The following JAK3 variants were observed in gnomAD, a reference collection of about 807,000 sequenced individuals.
JAK3 encodes the protein Janus kinase 3, also known as tyrosine-protein kinase JAK3.
In JAK3, 88 loss-of-function variants were observed where a neutral mutation model predicts 120.8. The observed-to-expected ratio is 0.73, with a 90% CI of 0.61 to 0.87. The LOEUF is 0.87. JAK3 is among the 40% of genes least tolerant of loss of function. The pLI is 0.00. For synonymous variants in JAK3, 592 were observed against 628.6 expected (o/e 0.94, Z 0.87); for missense variants, 1,254 against 1,501.4 (o/e 0.84, Z 2.72).
chr19:17,842,534 T>G lies in JAK3; in HGVS notation c.643A>C (p.Arg215=). The part of the protein sequence containing the change: ...LSFVTRRRIR[R]TVRRALRRVA... ...CGGCGCAGGGCTCTGCGCACCGTCC[T>G]CCGAATACGCCTCCGCGTCACGAAG... The change falls in exon 6 of 24, where the codon AGG becomes CGG. Residue 215 remains arginine, a synonymous_variant. Transcript: ENST00000458235. The surrounding 1 kb of genome is among the most constrained non-coding windows in gnomAD (Gnocchi z 6.4). 3.1e-6 allele frequency: 5 copies of G among 1,590,624 alleles called. No homozygotes were observed. Among genetic ancestry groups the G allele is most frequent in the Non-Finnish European group, 4.3e-6 (5 of 1,169,454 alleles).
In JAK3 at chr19:17,832,746, GC is replaced by G. The variant is rs1387189176; in HGVS notation, c.2491-39del. On this transcript the variant is annotated intron_variant, in intron 18 of 23. Coordinates refer to ENST00000458235, the MANE Select transcript of JAK3 (RefSeq NM_000215.4). This position sits in a 1 kb window ranked among gnomAD's most constrained non-coding sequence, Gnocchi z 4.7. ...GGGACTGATGTCCAGGCACCTGGAT[GC>G]TGCCCTGCCCTCTCCAACCCACCCT... 1 of 1,614,066 alleles carries G rather than the reference GC, an allele frequency of 6.2e-7. No homozygotes were observed. Among genetic ancestry groups the G allele is most frequent in the Admixed American group, 1.7e-5 (1 of 60,004 alleles).
In JAK3 at chr19:17,830,109, T is replaced by C; in HGVS notation, c.3206A>G (p.Glu1069Gly). ...RLPAPPACPA[E>G]VHELMKLCWA... The stretch of plus-strand genomic sequence containing the variant: ...TGAGGCTAGCCCTGCGGCGCTCACC[T>C]CAGCAGGGCAGGCAGGAGGCGCCGG... The change falls in exon 23 of 24, where the codon GAG (glutamate) becomes GGG (glycine). Residue 1069 changes from glutamate to glycine, a missense_variant and splice_region_variant. Glu to Gly is a moderately conservative substitution (Grantham distance 98, BLOSUM62 -2). This residue lies in a region of JAK3 where 630 missense variants were observed against 819.8 expected (regional missense o/e 0.77). Transcript: ENST00000458235. 1 of 1,573,680 alleles carries C rather than the reference T, an allele frequency of 6.4e-7. No homozygotes were observed. Among genetic ancestry groups the C allele is most frequent in the South Asian group, 1.2e-5 (1 of 85,816 alleles).
rs868019837 is a variant in JAK3, at chr19:17,838,121, C to G, written c.1570-58G>C. On this transcript the variant is annotated intron_variant, in intron 11 of 23. Coordinates refer to ENST00000458235, the MANE Select transcript of JAK3 (RefSeq NM_000215.4). ...TGAGGGGGTTCCTGCAGGATCCCAG[C>G]CCAAGCGAGACATAGCTGCTGGCCC... The G allele has an allele frequency of 6.9e-5, 111 of 1,613,342 alleles. 2 individuals carry two copies. In the Middle Eastern group the frequency reaches 8.4e-3, roughly 122 times the overall value.
In JAK3 at chr19:17,841,948, A is replaced by C. The variant is rs1424548703; in HGVS notation, c.862-186T>G. Reference sequence around the variant, plus strand: ...CCCTACCCATCCCCAAACATCTCCCACCCGCTCTGCCAATCCCCGCCTCCT... The same window carrying C: ...CCCTACCCATCCCCAAACATCTCCCCCCCGCTCTGCCAATCCCCGCCTCCT... On this transcript the variant is annotated intron_variant, in intron 6 of 23. Transcript: ENST00000458235. This position sits in a 1 kb window ranked among gnomAD's most constrained non-coding sequence, Gnocchi z 4.1. Among the ~76,000 whole-genome samples the C allele has an allele frequency of 5.2e-5, 7 of 134,666 alleles. No homozygotes were observed. The highest frequency in any genetic ancestry group is 2.4e-4 in the South Asian group (1 of 4,206). 88.3% of individuals were successfully genotyped at this position (134,666 alleles called of 152,430 possible). A position where few individuals can be genotyped will look rare whatever the true frequency, so the allele number is the denominator to read the frequency against.
chr19:17,830,338 G>T lies in JAK3; in HGVS notation c.3097-120C>A, dbSNP rs572429008. On this transcript the variant is annotated intron_variant, in intron 22 of 23. Transcript: ENST00000458235. The stretch of plus-strand genomic sequence containing the variant: ...GGAGCGGGGAGGGGCTGCCTGAACC[G>T]TGAAGGGGTCAGAAAGGTGAGGAAG... 178 of 927,352 alleles carry T rather than the reference G, an allele frequency of 1.9e-4. No individual in the cohort carries two copies. The South Asian group carries it at 2.2e-3, about 11-fold the overall frequency. The allele number at this position is 927,352 out of a possible 1,614,324, so 57.4% of individuals were successfully genotyped here.
rs556271960 is a variant in JAK3, at chr19:17,830,099, G to T, written c.3207+9C>A. 1.9e-6 allele frequency: 3 copies of T among 1,552,320 alleles called. No homozygotes were observed. The highest frequency in any genetic ancestry group is 3.8e-5 in the Admixed American group (2 of 52,778). ...ACTGGGAAACTGAGGCTAGCCCTGC[G>T]GCGCTCACCTCAGCAGGGCAGGCAG... On this transcript the variant is annotated intron_variant, in intron 23 of 23. Transcript: ENST00000458235.
intron 10 of JAK3, chr19:17,839,073 C>A (rs192738808): frequency 1.4e-5 from 5 of 356,108 alleles, no homozygotes; most frequent in Non-Finnish European, 2.7e-5. Context: ...TTGGGATGAG[C>A]GACAAGGAAG....
intron 1 of JAK3, among the ~76,000 whole-genome samples, chr19:17,844,796 CAAAAAAAAA>C (rs1227224590): frequency 8.6e-5 from 8 of 92,810 alleles, no homozygotes; most frequent in Non-Finnish European, 1.5e-4. Context: ...GACTCTGTCT[CAAAAAAAAA>C]AAAAAAAAGA....
chr19:17,835,893 T>C lies in JAK3; in HGVS notation c.1914+31A>G, dbSNP rs202224083. On this transcript the variant is annotated intron_variant, in intron 14 of 23. Transcript: ENST00000458235. ...ACCCAGAGAAAGCCTTCCCTGGGAA[T>C]GGAGGGTGGAGCAGGCAGAGGAGCA... The C allele has an allele frequency of 6.4e-5, 103 of 1,612,844 alleles. No individual in the cohort carries two copies. In the East Asian group the frequency reaches 2.1e-3, roughly 33 times the overall value.
At chr19:17,839,710 T>C in intron 9 of JAK3, 47 bp from the exon 10 acceptor site, 1 of 1,266,662 alleles carries the variant, frequency 7.9e-7, no homozygotes, top group Non-Finnish European at 1.1e-6. Flanking sequence ...ACAGACACTC[T>C]CCTTCTCAGT....
rs2094242378 is a variant in JAK3, at chr19:17,842,530, G to A, written c.647C>T (p.Thr216Met). Residue 216 changes from threonine to methionine, a missense_variant, in exon 6 of 24, where the codon ACG (threonine) becomes ATG (methionine). By Grantham distance (81) the Thr-to-Met change is moderately conservative. Coordinates refer to ENST00000458235, the MANE Select transcript of JAK3 (RefSeq NM_000215.4). This position sits in a 1 kb window ranked among gnomAD's most constrained non-coding sequence, Gnocchi z 6.4. ...CACGCGGCGCAGGGCTCTGCGCACC[G>A]TCCTCCGAATACGCCTCCGCGTCAC... The part of the protein sequence containing the change: ...SFVTRRRIRR[T>M]VRRALRRVAA... 5 of 1,590,912 alleles carry A rather than the reference G, an allele frequency of 3.1e-6. No homozygotes were observed. The highest frequency in any genetic ancestry group is 1.8e-5 in the Admixed American group (1 of 56,342).
intron 1 of JAK3, among the ~76,000 whole-genome samples, chr19:17,845,873 G>T (rs1409680824): frequency 1.2e-4 from 19 of 152,088 alleles, no homozygotes; most frequent in Admixed American, 1.2e-3. Flanking sequence ...CATCCAGGCT[G>T]GAGTGCAGTG....
At chr19:17,839,739 T>TTTC (rs1568405316) in intron 9 of JAK3, 76 bp from the exon 10 acceptor site, 4 of 193,450 alleles carry the variant, frequency 2.1e-5, no homozygotes, top group South Asian at 7.3e-5. Context: ...CTTTTTTTTC[T>TTTC]TTTTTTTTTT....
At position 17,832,444 on chromosome 19, in the gene JAK3, C is replaced by CT; in HGVS notation, c.2680+74dup. On this transcript the variant is annotated intron_variant, in intron 19 of 23. Transcript: ENST00000458235. The surrounding 1 kb of genome is among the most constrained non-coding windows in gnomAD (Gnocchi z 4.7). ...ACGTTCCCAGCCTACCTAAAGTGGC[C>CT]TGGCAGGAGGGTAAGAATGTGCACT... 1 of 1,478,906 alleles carries CT rather than the reference C, an allele frequency of 6.8e-7. No individual in the cohort carries two copies. Among genetic ancestry groups the CT allele is most frequent in the South Asian group, 1.1e-5 (1 of 88,090 alleles). 91.6% of individuals were successfully genotyped at this position (1,478,906 alleles called of 1,614,324 possible). A position where few individuals can be genotyped will look rare whatever the true frequency, so the allele number is the denominator to read the frequency against.
Position 17,842,423 on chromosome 19 carries a change from C to A in JAK3, c.754G>T (p.Glu252Ter). 1 of 1,581,652 alleles carries A rather than the reference C, an allele frequency of 6.3e-7. No homozygotes were observed. Among genetic ancestry groups the A allele is most frequent in the African/African-American group, 1.3e-5 (1 of 74,446 alleles). ...LERLDPAGAAETFHVGLPGAL... is the reference protein window; with the variant it reads ...LERLDPAGAA ...CCAGGGAGGCCCACGTGGAAGGTCT[C>A]GGCGGCCCCGGCTGGATCCAGCCGC... The change falls in exon 6 of 24, where the codon GAG becomes TAG. Residue 252 changes from glutamate to a stop codon, truncating the protein, a stop_gained. Coordinates refer to ENST00000458235, the MANE Select transcript of JAK3 (RefSeq NM_000215.4). LOFTEE classifies it high-confidence loss of function. The surrounding 1 kb of genome is among the most constrained non-coding windows in gnomAD (Gnocchi z 6.4).
chr19:17,839,811 G>C, intron 9 of JAK3, 148 bp from the exon 10 acceptor site: 2 of 726,438 alleles, frequency 2.8e-6, no homozygotes, highest in Non-Finnish European at 4.5e-6. Flanking sequence ...CGTGACCTTG[G>C]CTCACTGCAA....
rs1014589452 is a variant in JAK3, at chr19:17,831,158, C to A, written c.2978+70G>T. 6 of 1,310,476 alleles carry A rather than the reference C, an allele frequency of 4.6e-6. No homozygotes were observed. Among genetic ancestry groups the A allele is most frequent in the East Asian group, 2.9e-5 (1 of 34,748 alleles). 81.2% of individuals were successfully genotyped at this position (1,310,476 alleles called of 1,614,324 possible). A position where few individuals can be genotyped will look rare whatever the true frequency, so the allele number is the denominator to read the frequency against. On this transcript the variant is annotated intron_variant, in intron 21 of 23. Coordinates refer to ENST00000458235, the MANE Select transcript of JAK3 (RefSeq NM_000215.4). This position sits in a 1 kb window ranked among gnomAD's most constrained non-coding sequence, Gnocchi z 5.1. ...TGGGGAGCAAAGCAGCGGGAGGGGG[C>A]GGGGGCATGGCTGGGGGCGGAGCCA...
At chr19:17,836,164 C>A in intron 13 of JAK3, 113 bp from the exon 14 acceptor site, 1 of 1,222,584 alleles carries the variant, frequency 8.2e-7, no homozygotes, top group Non-Finnish European at 1.2e-6. Flanking sequence ...TCTGTCTGTT[C>A]CCTCCCCTGC....
Position 17,832,648 on chromosome 19 carries a change from G to A in JAK3, c.2551C>T (p.Leu851=). 1 of 1,614,234 alleles carries A rather than the reference G, an allele frequency of 6.2e-7. No individual in the cohort carries two copies. The highest frequency in any genetic ancestry group is 2.2e-5 in the East Asian group (1 of 44,892). ...YDPLGDNTGA[L]VAVKQLQHSG... is the part of the protein sequence containing the mutation. ...TGCTGCAGCTGTTTCACGGCCACCAGGGCACCTGTATTGTCGCCTAGCGGG... is the reference window on the plus strand; with the variant it reads ...TGCTGCAGCTGTTTCACGGCCACCAAGGCACCTGTATTGTCGCCTAGCGGG... The change falls in exon 19 of 24, where the codon CTG becomes TTG. Residue 851 remains leucine (L), a synonymous_variant. Transcript: ENST00000458235. The surrounding 1 kb of genome is among the most constrained non-coding windows in gnomAD (Gnocchi z 4.7).
Sources: allele counts gnomAD v4.1 joint callset (sites outside exome capture counted in the v4.1 genomes callset), GRCh38; gene constraint gnomAD v4.1.1; regional missense constraint gnomAD v4.1.1; non-coding constraint Gnocchi (gnomAD v3.1); transcripts MANE v1.5; gene names NCBI Gene and HGNC (gene_info 2026-07-23, HGNC 2026-07-21).